Variants in ARL13A observed in about 807,000 individuals in gnomAD.
ARL13A encodes the protein ARF like GTPase 13A.
Under a neutral mutation model 19.1 loss-of-function variants are expected in ARL13A, and 16 were observed. The observed-to-expected ratio is 0.84, with a 90% CI of 0.57 to 1.27. The LOEUF (loss-of-function observed/expected upper bound fraction) is 1.27, where lower values mean the gene tolerates loss of function less well. ARL13A is among the 50% of genes most tolerant of loss of function. The pLI, the probability that ARL13A is intolerant of heterozygous loss-of-function variation, is 0.00. For synonymous variants in ARL13A, 69 were observed against 71.3 expected (o/e 0.97, Z 0.17); for missense variants, 153 against 186.4 (o/e 0.82, Z 1.04).
intron 3 of ARL13A, among the ~76,000 whole-genome samples, chrX:100,984,325 G>C (rs2085907832): frequency 9.2e-6 from 1 of 108,517 alleles, no homozygotes; most frequent in African/African-American, 3.4e-5. Context: ...TTTTAGTAAA[G>C]ATGGGGTTTT....
chrX:100,976,183 C>T (rs1365962680), intron 3 of ARL13A, among the ~76,000 whole-genome samples: 1 of 109,467 alleles, frequency 9.1e-6, no homozygotes, highest in Non-Finnish European at 1.9e-5. Context: ...AACTCAACCT[C>T]ATCCCTGGAT....
In ARL13A at chrX:100,985,837, A is replaced by G. The variant is rs1378538370; in HGVS notation, c.301A>G (p.Ile101Val). 8.3e-7 allele frequency: 1 copy of G among 1,209,966 alleles called. No individual in the cohort carries two copies. The highest frequency in any genetic ancestry group is 3.0e-5 in the East Asian group (1 of 33,773). The change falls in exon 4 of 8, where the codon ATA (isoleucine) becomes GTA (valine). Residue 101 changes from isoleucine (I) to valine (V), a missense_variant. Transcript: ENST00000450049. ...GLVFVLDSSD[I>V]RRMQEVKIIL... ...TGTTTTCGTCCTGGATTCCAGTGACATAAGACGCATGCAGGAAGTGAAGAT... is the reference window on the plus strand; with the variant it reads ...TGTTTTCGTCCTGGATTCCAGTGACGTAAGACGCATGCAGGAAGTGAAGAT...
chrX:100,970,476 G>C (rs192526477), intron 1 of ARL13A, among the ~76,000 whole-genome samples: 1 of 112,183 alleles, frequency 8.9e-6, no homozygotes, highest in African/African-American at 3.2e-5. Context: ...AAAGCCCATC[G>C]AAGCATTAAC....
At chrX:100,979,429 G>T (rs1237690858) in intron 3 of ARL13A, among the ~76,000 whole-genome samples, 4 of 111,414 alleles carry the variant, frequency 3.6e-5, no homozygotes, top group African/African-American at 1.3e-4. Context: ...TTTTTTCCTT[G>T]ATATACTTTA....
At chrX:100,988,531 C>G in intron 7 of ARL13A, 1 of 1,115,977 alleles carries the variant, frequency 9.0e-7, no homozygotes, top group East Asian at 3.5e-5. Context: ...GACTCCAGCT[C>G]CATATGCTGA....
chrX:100,989,614 A>C (rs2085992815), intron 7 of ARL13A, among the ~76,000 whole-genome samples: 1 of 110,862 alleles, frequency 9.0e-6, no homozygotes, highest in South Asian at 3.9e-4. Flanking sequence ...ATCTCAAAAA[A>C]AAAAAAAAAA....
intron 3 of ARL13A, among the ~76,000 whole-genome samples, chrX:100,984,570 T>C (rs972169484): frequency 1.8e-5 from 2 of 112,649 alleles, no homozygotes; most frequent in Admixed American, 1.9e-4. Context: ...TTGGAAGAGA[T>C]ATGTGGGAGA....
intron 7 of ARL13A, among the ~76,000 whole-genome samples, chrX:100,989,608 CAA>C (rs200862950): frequency 1.7e-4 from 10 of 57,275 alleles, no homozygotes; most frequent in Admixed American, 6.6e-4. Flanking sequence ...GACTCCATCT[CAA>C]AAAAAAAAAA....
At chrX:100,982,470 A>AAAATAAATAAATAAATAAAT (rs199792040) in intron 3 of ARL13A, among the ~76,000 whole-genome samples, 1 of 91,277 alleles carries the variant, frequency 1.1e-5, no homozygotes, top group African/African-American at 4.0e-5. Context: ...CCAGGCTTAA[A>AAAATAAATAAATAAATAAAT]AAATAAATAA....
At chrX:100,988,324 C>T in intron 7 of ARL13A, 41 bp downstream of exon 7, 1 of 1,204,025 alleles carries the variant, frequency 8.3e-7, no homozygotes, top group Non-Finnish European at 1.1e-6. Flanking sequence ...TGACCAATCC[C>T]TGAACACGTG....
intron 6 of ARL13A, among the ~76,000 whole-genome samples, 155 bp downstream of exon 6, chrX:100,987,711 C>CCAA (rs1383608336): frequency 9.0e-6 from 1 of 111,678 alleles, no homozygotes; most frequent in African/African-American, 3.3e-5. Flanking sequence ...GCAGTGCCCA[C>CCAA]CAACACTCCA....
intron 4 of ARL13A, 133 bp downstream of exon 4, chrX:100,986,049 C>T (rs1323149901): frequency 7.6e-6 from 6 of 785,009 alleles, no homozygotes; most frequent in East Asian, 3.5e-5. Context: ...TGAGGTAGAG[C>T]GGCCCAATTT....
chrX:100,986,211 A>G (rs2085933367), intron 4 of ARL13A, among the ~76,000 whole-genome samples: 1 of 112,048 alleles, frequency 8.9e-6, no homozygotes, highest in Middle Eastern at 4.6e-3. Context: ...CCTGAAGACT[A>G]TCTTCCTGAA....
chrX:100,974,232 T>TCTC, intron 3 of ARL13A, 35 bp downstream of exon 3: 2 of 1,037,589 alleles, frequency 1.9e-6, no homozygotes, highest in Non-Finnish European at 1.3e-6. Context: ...CTGGCGTGGG[T>TCTC]CTCCCATGGA....
intron 5 of ARL13A, among the ~76,000 whole-genome samples, chrX:100,987,102 A>G (rs1005774020): frequency 3.6e-5 from 4 of 112,006 alleles, no homozygotes; most frequent in Admixed American, 2.9e-4. Flanking sequence ...GGACACATGA[A>G]TATCCCCATT....
intron 3 of ARL13A, among the ~76,000 whole-genome samples, chrX:100,981,965 G>A (rs2085863183): frequency 9.1e-6 from 1 of 109,416 alleles, no homozygotes; most frequent in African/African-American, 3.3e-5. Context: ...ATCTTATGCC[G>A]CCATCTCCAA....
rs1326964342 is a variant in ARL13A at position 100,974,173 on chromosome X, G to C, written c.106G>C (p.Val36Leu). 5.9e-6 allele frequency: 7 copies of C among 1,191,956 alleles called. No individual in the cohort carries two copies. The South Asian group carries it at 9.2e-5, about 16-fold the overall frequency. ...TGGCTTGAACAACTCTGGCAAAACT[G>C]TTCTTGTGGAGGCATTCCAAAAATG... ...IIGLNNSGKT[V>L]LVEAFQKLLP... is the part of the protein sequence containing the mutation. Residue 36 changes from valine (V) to leucine (L), a missense_variant, in exon 3 of 8, where the codon GTT becomes CTT. Physicochemically the swap from Val to Leu is conservative, Grantham distance 32. Coordinates refer to ENST00000450049, the MANE Select transcript of ARL13A (RefSeq NM_001162491.2).
At chrX:100,984,067 C>T (rs754414882) in intron 3 of ARL13A, among the ~76,000 whole-genome samples, 2 of 109,779 alleles carry the variant, frequency 1.8e-5, no homozygotes, top group Admixed American at 9.7e-5. Flanking sequence ...CAGACTGGAA[C>T]GCATATAAAG....
chrX:100,989,413 C>T (rs2085988440), intron 7 of ARL13A, among the ~76,000 whole-genome samples: 1 of 109,848 alleles, frequency 9.1e-6, no homozygotes, highest in African/African-American at 3.3e-5. Flanking sequence ...AGATCAAGAC[C>T]ATCCTGGCCA....
Sources: allele counts gnomAD v4.1 joint callset (sites outside exome capture counted in the v4.1 genomes callset), GRCh38; gene constraint gnomAD v4.1.1; transcripts MANE v1.5; gene names NCBI Gene and HGNC (gene_info 2026-07-23, HGNC 2026-07-21).